The following ST3GAL4 variants were observed in gnomAD, a reference collection of about 807,000 sequenced individuals.
The protein encoded by ST3GAL4 is ST3 beta-galactoside alpha-2,3-sialyltransferase 4, also known as CMP-N-acetylneuraminate-beta-galactosamide-alpha-2,3-sialyltransferase 4.
A neutral mutation model predicts 42.6 loss-of-function variants in ST3GAL4; 24 were observed. That is an observed-to-expected ratio of 0.56 (90% CI 0.41 to 0.79). ST3GAL4 has a LOEUF of 0.79. Ranked by LOEUF, ST3GAL4 falls within the 30% of genes least tolerant of loss-of-function variation. ST3GAL4 has a pLI of 0.00. For missense variants in ST3GAL4, 311 were observed against 430.8 expected (o/e 0.72, Z 2.46); for synonymous variants, 135 against 163.2 (o/e 0.83, Z 1.32).
In ST3GAL4 at chr11:126,406,431, G is replaced by T. The variant is rs760543459; in HGVS notation, c.17-42G>T. 6 of 1,613,752 alleles carry T rather than the reference G, an allele frequency of 3.7e-6. No homozygotes were observed. The South Asian group carries it at 6.6e-5, about 18-fold the overall frequency. On this transcript the variant is annotated intron_variant, in intron 2 of 10. Transcript: ENST00000444328. This position sits in a 1 kb window ranked among gnomAD's most constrained non-coding sequence, Gnocchi z 5.4. ...GGGAAGGTGGACGGGGGTTGTACCT[G>T]CCTGTTGCTGCCTCTAGCTCCTCTC...
At position 126,406,048 on chromosome 11, in the gene ST3GAL4, A is replaced by C. The variant is rs758779436; in HGVS notation, c.-60-48A>C. 3 of 1,547,328 alleles carry C rather than the reference A, an allele frequency of 1.9e-6. No individual in the cohort carries two copies. The highest frequency in any genetic ancestry group is 3.9e-5 in the Admixed American group (2 of 50,994). On this transcript the variant is annotated intron_variant, in intron 1 of 10. Coordinates refer to ENST00000444328, the MANE Select transcript of ST3GAL4 (RefSeq NM_001254757.2). This position sits in a 1 kb window ranked among gnomAD's most constrained non-coding sequence, Gnocchi z 5.4. ...GTGTGTCCTGCTCCAGTGTCTAGGC[A>C]GGAGAGTTTGTGAAGCTGACCGGAC... is the stretch of plus-strand genomic sequence containing the variant.
rs1051052827 is a variant in ST3GAL4, at chr11:126,359,872, G to A, written c.-61+4030G>A. On this transcript the variant is annotated intron_variant, in intron 1 of 10. Coordinates refer to ENST00000444328, the MANE Select transcript of ST3GAL4 (RefSeq NM_001254757.2). This position sits in a 1 kb window ranked among gnomAD's most constrained non-coding sequence, Gnocchi z 4.8. ...CTATTCCTTTGGAAATGTGGCTGCC[G>A]CCCACATGGCTGCAAGGCAACCACG... Among the ~76,000 whole-genome samples the A allele has an allele frequency of 3.3e-5, 5 of 152,188 alleles. No homozygotes were observed. The highest frequency in any genetic ancestry group is 7.2e-5 in the African/African-American group (3 of 41,446).
In ST3GAL4 at chr11:126,392,206, C is replaced by G; in HGVS notation, c.-60-13890C>G. 1 of 607,600 alleles carries G rather than the reference C, an allele frequency of 1.6e-6. No individual in the cohort carries two copies. The allele number at this position is 607,600 out of a possible 1,614,324, so 37.6% of individuals were successfully genotyped here. ...CTGGGGCTTGGTCCTGGGGTTTCAT[C>G]TCAGGTTGACCCCCGTTAGGAGGAA... On this transcript the variant is annotated intron_variant, in intron 1 of 10. Transcript: ENST00000444328. The surrounding 1 kb of genome is among the most constrained non-coding windows in gnomAD (Gnocchi z 5.8).
At chr11:126,362,191 TC>T (rs1361605014) in intron 1 of ST3GAL4, among the ~76,000 whole-genome samples, 1 of 144,030 alleles carries the variant, frequency 6.9e-6, no homozygotes, top group African/African-American at 2.6e-5. Context: ...CAACATTTCT[TC>T]CTTTTTTTTT....
At position 126,409,220 on chromosome 11, in the gene ST3GAL4, CAG is replaced by C. The variant is rs1184781275; in HGVS notation, c.628-47_628-46del. 9.4e-6 allele frequency: 15 copies of C among 1,601,618 alleles called. No homozygotes were observed. Among genetic ancestry groups the C allele is most frequent in the Non-Finnish European group, 1.0e-5 (12 of 1,170,276 alleles). On this transcript the variant is annotated intron_variant, in intron 8 of 10. Transcript: ENST00000444328. This position sits in a 1 kb window ranked among gnomAD's most constrained non-coding sequence, Gnocchi z 4.9. ...GGACCACTGGGTTGGATTTGAGAAA[CAG>C]GGCTTCACCCGCTTCTGTCTCTCTC...
At chr11:126,407,711 C>T (rs1386714418) in intron 6 of ST3GAL4, 77 bp downstream of exon 6, 14 of 1,398,494 alleles carry the variant, frequency 1.0e-5, no homozygotes, top group African/African-American at 7.1e-5. Context: ...CACTCCCCAC[C>T]CCCCCGCTCT....
intron 1 of ST3GAL4, among the ~76,000 whole-genome samples, chr11:126,365,942 C>T (rs1183153878): frequency 1.3e-5 from 2 of 152,194 alleles, no homozygotes; most frequent in African/African-American, 4.8e-5. Flanking sequence ...GGGACACTCT[C>T]CAGGCCTGCT....
chr11:126,381,447 G>T (rs1476174951), intron 1 of ST3GAL4, among the ~76,000 whole-genome samples: 1 of 151,560 alleles, frequency 6.6e-6, no homozygotes, highest in Non-Finnish European at 1.5e-5. Context: ...GGCAGAGGAG[G>T]AAAGGAGGAG....
chr11:126,367,247 C>G (rs970560875), intron 1 of ST3GAL4, among the ~76,000 whole-genome samples: 1 of 152,318 alleles, frequency 6.6e-6, no homozygotes. Flanking sequence ...GGCCTCCTCC[C>G]CCTCCCCTTC....
chr11:126,405,254 G>A (rs1232056151), intron 1 of ST3GAL4, among the ~76,000 whole-genome samples: 1 of 152,266 alleles, frequency 6.6e-6, no homozygotes, highest in Admixed American at 6.5e-5. Context: ...TGCAGTGACT[G>A]CAGCGTGGCC....
intron 1 of ST3GAL4, among the ~76,000 whole-genome samples, chr11:126,377,632 G>A (rs1411733460): frequency 2.0e-5 from 3 of 151,792 alleles, no homozygotes; most frequent in African/African-American, 7.3e-5. Flanking sequence ...ATACAGGCGT[G>A]TGCCACCACA....
At chr11:126,390,629 T>TA (rs1953469094) in intron 1 of ST3GAL4, among the ~76,000 whole-genome samples, 1 of 151,208 alleles carries the variant, frequency 6.6e-6, no homozygotes, top group Non-Finnish European at 1.5e-5. Flanking sequence ...TTTTTTTTTT[T>TA]TTTTTTTTAT....
At chr11:126,413,453 A>C in intron 9 of ST3GAL4, 52 bp from the exon 10 acceptor site, 2 of 1,602,198 alleles carry the variant, frequency 1.2e-6, no homozygotes, top group Non-Finnish European at 1.7e-6. Context: ...GGCAGAGATG[A>C]TGGTGGGAGG....
At position 126,409,203 on chromosome 11, in the gene ST3GAL4, G is replaced by A; in HGVS notation, c.628-65G>A. 6.3e-7 allele frequency: 1 copy of A among 1,596,052 alleles called. No individual in the cohort carries two copies. The highest frequency in any genetic ancestry group is 8.6e-7 in the Non-Finnish European group (1 of 1,166,978). On this transcript the variant is annotated intron_variant, in intron 8 of 10. Coordinates refer to ENST00000444328, the MANE Select transcript of ST3GAL4 (RefSeq NM_001254757.2). The surrounding 1 kb of genome is among the most constrained non-coding windows in gnomAD (Gnocchi z 4.9). ...CCCCCTCGCCTCGCTGAGGACCACT[G>A]GGTTGGATTTGAGAAACAGGGCTTC... is the stretch of plus-strand genomic sequence containing the variant.
intron 1 of ST3GAL4, chr11:126,356,140 G>C (rs1401643145): frequency 3.3e-5 from 5 of 152,652 alleles, no homozygotes; most frequent in Non-Finnish European, 7.3e-5. Flanking sequence ...CCTGCGCCCG[G>C]ACTGAAGCGG....
chr11:126,392,492 G>C lies in ST3GAL4; in HGVS notation c.-60-13604G>C. On this transcript the variant is annotated intron_variant, in intron 1 of 10. Coordinates refer to ENST00000444328, the MANE Select transcript of ST3GAL4 (RefSeq NM_001254757.2). The surrounding 1 kb of genome is among the most constrained non-coding windows in gnomAD (Gnocchi z 5.8). Reference sequence around the variant, plus strand: ...AGTGCGCTGGCTCTGCCAGCTCCCAGTGTGAGCTTCTAGCAAGCCCCTTGT... The same window carrying C: ...AGTGCGCTGGCTCTGCCAGCTCCCACTGTGAGCTTCTAGCAAGCCCCTTGT... The C allele has an allele frequency of 2.2e-6, 1 of 458,600 alleles. No homozygotes were observed. Among genetic ancestry groups the C allele is most frequent in the Non-Finnish European group, 2.9e-6 (1 of 348,398 alleles). The allele number at this position is 458,600 out of a possible 1,614,324, so 28.4% of individuals were successfully genotyped here.
chr11:126,371,234 G>A (rs190947524), intron 1 of ST3GAL4, among the ~76,000 whole-genome samples: 78 of 135,786 alleles, frequency 5.7e-4, no homozygotes, highest in African/African-American at 1.9e-3. Context: ...GCGCGATCTC[G>A]GCTCACTGCA....
In ST3GAL4 at chr11:126,414,460, C is replaced by T. The variant is rs537800264; in HGVS notation, c.*413C>T. The T allele has an allele frequency of 7.0e-4, 138 of 196,366 alleles. No homozygotes were observed. The highest frequency in any genetic ancestry group is 3.0e-3 in the African/African-American group (131 of 43,334). 12.2% of individuals were successfully genotyped at this position (196,366 alleles called of 1,614,324 possible). On this transcript the variant is annotated 3_prime_UTR_variant, in exon 11 of 11. Coordinates refer to ENST00000444328, the MANE Select transcript of ST3GAL4 (RefSeq NM_001254757.2). ...CGATGGCCCCACCAAGGCCTAGACA[C>T]GGCACTGGCCTCCCAGGAGGGCAGG...
intron 9 of ST3GAL4, among the ~76,000 whole-genome samples, chr11:126,412,432 G>A (rs150725854): frequency 1.3e-5 from 2 of 152,236 alleles, no homozygotes; most frequent in Non-Finnish European, 2.9e-5. Flanking sequence ...GCGGAGGAAG[G>A]CGGGGCTGGA....
Sources: allele counts gnomAD v4.1 joint callset (sites outside exome capture counted in the v4.1 genomes callset), GRCh38; gene constraint gnomAD v4.1.1; non-coding constraint Gnocchi (gnomAD v3.1); transcripts MANE v1.5; gene names NCBI Gene and HGNC (gene_info 2026-07-23, HGNC 2026-07-21).